The following ZNF292 variants were observed in gnomAD, a reference collection of about 807,000 sequenced individuals.
ZNF292 encodes the protein zinc finger protein 292.
ZNF292 carries 26 observed loss-of-function variants against 217.9 expected under a neutral mutation model. That is an observed-to-expected ratio of 0.12 (90% CI 0.09 to 0.17). The LOEUF (loss-of-function observed/expected upper bound fraction) is 0.17. ZNF292 is among the 10% of genes least tolerant of loss of function. The pLI is 1.00. For missense variants in ZNF292, 2,904 were observed against 3,175.2 expected (o/e 0.91, Z 2.05); for synonymous variants, 1,257 against 1,124.1 (o/e 1.12, Z -2.37).
intron 1 of ZNF292, among the ~76,000 whole-genome samples, chr6:87,194,417 A>G (rs1771901154): frequency 6.6e-6 from 1 of 152,178 alleles, no homozygotes; most frequent in Non-Finnish European, 1.5e-5. Flanking sequence ...AAATAAATGA[A>G]TTCTTTGAAA....
At chr6:87,244,832 ATATAT>A (rs1774485841) in intron 6 of ZNF292, among the ~76,000 whole-genome samples, 1 of 152,044 alleles carries the variant, frequency 6.6e-6, no homozygotes, top group African/African-American at 2.4e-5. Flanking sequence ...TTTTTTATAT[ATATAT>A]TATATATACA....
chr6:87,201,780 G>A (rs1772105288), intron 1 of ZNF292, among the ~76,000 whole-genome samples: 3 of 152,152 alleles, frequency 2.0e-5, no homozygotes, highest in Admixed American at 6.5e-5. Flanking sequence ...TTATATGCTG[G>A]GAATAGTTAT....
At position 87,161,225 on chromosome 6, in the gene ZNF292, T is replaced by C. The variant is rs138831644; in HGVS notation, c.168+5466T>C. ...ATAATTATCCTGATTAAAGAAAAGA[T>C]TTGACATTTTGATATAATAAATTCT... On this transcript the variant is annotated intron_variant, in intron 1 of 7. Transcript: ENST00000369577. 9.4e-3 allele frequency among the ~76,000 whole-genome samples: 1,436 copies of C among 152,218 alleles called. 19 individuals carry two copies. The highest frequency in any genetic ancestry group is 0.033 in the African/African-American group (1,352 of 41,520).
At chr6:87,214,314 G>T (rs1772633735) in intron 1 of ZNF292, among the ~76,000 whole-genome samples, 1 of 152,174 alleles carries the variant, frequency 6.6e-6, no homozygotes, top group Non-Finnish European at 1.5e-5. Context: ...TCCCTGCTTG[G>T]AACTTAAAAG....
chr6:87,230,721 G>GA (rs1251341314), intron 4 of ZNF292, among the ~76,000 whole-genome samples: 2 of 149,772 alleles, frequency 1.3e-5, no homozygotes, highest in African/African-American at 2.5e-5. Context: ...GTGACAGAGA[G>GA]AGACTCCGTC....
intron 1 of ZNF292, among the ~76,000 whole-genome samples, chr6:87,172,214 A>G (rs1395986513): frequency 6.6e-6 from 1 of 152,192 alleles, no homozygotes; most frequent in Non-Finnish European, 1.5e-5. Flanking sequence ...TTCTCTTTAG[A>G]ACAATTTATG....
rs1775297026 is a variant in ZNF292, at chr6:87,257,552, C to T, written c.3923C>T (p.Ser1308Phe). 6.2e-7 allele frequency: 1 copy of T among 1,607,476 alleles called. No individual in the cohort carries two copies. Among genetic ancestry groups the T allele is most frequent in the Middle Eastern group, 1.7e-4 (1 of 6,054 alleles). ...SSQIEGNTNS[S>F]FLKGGNGENA... ...CAGATTGAAGGAAACACTAATTCCT[C>T]CTTTCTAAAGGGGGGTAATGGTGAA... is the stretch of plus-strand genomic sequence containing the variant. The change falls in exon 8 of 8, where the codon TCC becomes TTC. Residue 1308 changes from serine to phenylalanine, a missense_variant. By Grantham distance (155) the Ser-to-Phe change is radical. This residue lies in a region of ZNF292 where 687 missense variants were observed against 623.0 expected (regional missense o/e 1.10). Coordinates refer to ENST00000369577, the MANE Select transcript of ZNF292 (RefSeq NM_015021.3).
At chr6:87,243,420 C>G (rs1774413161) in intron 5 of ZNF292, 55 bp from the exon 6 acceptor site, 7 of 1,441,770 alleles carry the variant, frequency 4.9e-6, no homozygotes, top group Non-Finnish European at 6.5e-6. Context: ...GTATATTGCT[C>G]TATATTCTAA....
At chr6:87,164,762 C>CT (rs36077738) in intron 1 of ZNF292, among the ~76,000 whole-genome samples, 2,982 of 128,306 alleles carry the variant, frequency 0.023, 67 homozygotes, top group East Asian at 0.076. Flanking sequence ...GGAATGACCT[C>CT]TTTTTTTTTT....
At chr6:87,161,588 A>G (rs1367334627) in intron 1 of ZNF292, among the ~76,000 whole-genome samples, 1 of 152,078 alleles carries the variant, frequency 6.6e-6, no homozygotes, top group Non-Finnish European at 1.5e-5. Flanking sequence ...CCTAACTTTA[A>G]AATTTTTTGT....
chr6:87,259,267 A>G lies in ZNF292; in HGVS notation c.5638A>G (p.Ile1880Val). ...CACGCCTGTTAAATCAACTGCAGAT[A>G]TCACAGTTATTCAGCCAGTTTCTGA... ...TPTPVKSTAD[I>V]TVIQPVSEMI... Residue 1880 changes from isoleucine to valine, a missense_variant, in exon 8 of 8, where the codon ATC (isoleucine) becomes GTC (valine). Ile to Val is a conservative substitution (Grantham distance 29). Around this residue, in one of 15 missense-constraint regions of ZNF292, gnomAD observed 622 missense variants for 573.1 expected, o/e 1.09. Coordinates refer to ENST00000369577, the MANE Select transcript of ZNF292 (RefSeq NM_015021.3). 1 of 1,613,678 alleles carries G rather than the reference A, an allele frequency of 6.2e-7. No homozygotes were observed. The highest frequency in any genetic ancestry group is 8.5e-7 in the Non-Finnish European group (1 of 1,179,678).
intron 4 of ZNF292, among the ~76,000 whole-genome samples, chr6:87,232,501 A>C (rs1459231226): frequency 6.6e-6 from 1 of 152,132 alleles, no homozygotes; most frequent in Non-Finnish European, 1.5e-5. Context: ...CATGATTTCT[A>C]TTCTGGTAAA....
At position 87,155,634 on chromosome 6, in the gene ZNF292, G is replaced by A. The variant is rs1770499167; in HGVS notation, c.43G>A (p.Glu15Lys). Residue 15 changes from glutamate (E) to lysine (K), a missense_variant, in exon 1 of 8, where the codon GAA (glutamate) becomes AAA (lysine). Around this residue, in one of 15 missense-constraint regions of ZNF292, gnomAD observed 66 missense variants for 44.1 expected, o/e 1.50. Coordinates refer to ENST00000369577, the MANE Select transcript of ZNF292 (RefSeq NM_015021.3). ...CGAGCAGGAGAGGTTGAGTTGCGGC[G>A]AAGGCGGCTGCGTCGCGGAGCTGCA... ...EAEQERLSCG[E>K]GGCVAELQRL... 1.3e-6 allele frequency: 2 copies of A among 1,582,490 alleles called. No individual in the cohort carries two copies. Among genetic ancestry groups the A allele is most frequent in the Non-Finnish European group, 1.7e-6 (2 of 1,165,824 alleles).
Position 87,257,438 on chromosome 6 carries a change from G to A in ZNF292, c.3809G>A (p.Ser1270Asn), listed in dbSNP as rs1775289776. Residue 1270 changes from serine to asparagine, a missense_variant, in exon 8 of 8, where the codon AGT becomes AAT. Around this residue, in one of 15 missense-constraint regions of ZNF292, gnomAD observed 687 missense variants for 623.0 expected, o/e 1.10. Coordinates refer to ENST00000369577, the MANE Select transcript of ZNF292 (RefSeq NM_015021.3). ...TTCCTTCCTTTACCTGCAGAAAGTA[G>A]TTCAATGTCTCTCTTCCCTTCACCA... The part of the protein sequence containing the change: ...DPFLPLPAES[S>N]SMSLFPSPAD... The A allele has an allele frequency of 2.5e-6, 4 of 1,613,454 alleles. No homozygotes were observed. Among genetic ancestry groups the A allele is most frequent in the Non-Finnish European group, 3.4e-6 (4 of 1,179,728 alleles).
chr6:87,164,981 T>C lies in ZNF292; in HGVS notation c.168+9222T>C, dbSNP rs1252821368. Among the ~76,000 whole-genome samples, 3 of 151,022 alleles carry C rather than the reference T, an allele frequency of 2.0e-5. No individual in the cohort carries two copies. In the Admixed American group the frequency reaches 2.0e-4, roughly 10 times the overall value. ...GGTTTCACCATGTTGGCCAGGCTGG[T>C]CTCGAACTCCTGACCTCTTGATCCG... On this transcript the variant is annotated intron_variant, in intron 1 of 7. Coordinates refer to ENST00000369577, the MANE Select transcript of ZNF292 (RefSeq NM_015021.3).
rs140388890 is a variant in ZNF292 at position 87,163,547 on chromosome 6, A to G, written c.168+7788A>G. On this transcript the variant is annotated intron_variant, in intron 1 of 7. Transcript: ENST00000369577. ...GTTTAAATTGTTCTTATGTGGGAAC[A>G]CTAAGGTAGCTATGGAGAATTATGG... 6.9e-3 allele frequency among the ~76,000 whole-genome samples: 1,054 copies of G among 152,314 alleles called. 17 individuals are homozygous for G. The highest frequency in any genetic ancestry group is 0.023 in the African/African-American group (953 of 41,568).
At chr6:87,173,066 TTATG>T (rs1396824833) in intron 1 of ZNF292, among the ~76,000 whole-genome samples, 19 of 152,232 alleles carry the variant, frequency 1.2e-4, no homozygotes, top group African/African-American at 4.6e-4. Context: ...AGGAATAACT[TTATG>T]TAGTATAAAA....
At chr6:87,247,289 G>A (rs894550242) in intron 7 of ZNF292, among the ~76,000 whole-genome samples, 20 of 95,868 alleles carry the variant, frequency 2.1e-4, no homozygotes, top group African/African-American at 1.1e-3. Flanking sequence ...ACATGCGCAC[G>A]CACGTGCATG....
chr6:87,206,885 A>G (rs1476041663), intron 1 of ZNF292, among the ~76,000 whole-genome samples: 1 of 152,252 alleles, frequency 6.6e-6, no homozygotes, highest in Admixed American at 6.5e-5. Flanking sequence ...AGTTAAATAC[A>G]TAGGTAGTTT....
Sources: gnomAD v4.1 joint callset for allele counts (sites outside exome capture counted in the v4.1 genomes callset) on GRCh38, gnomAD v4.1.1 for gene constraint, gnomAD v4.1.1 regional missense constraint, MANE v1.5 for transcripts, NCBI Gene and HGNC (gene_info 2026-07-23, HGNC 2026-07-21) for gene names.